Variants in SEC16B observed in about 807,000 individuals in gnomAD.
The protein encoded by SEC16B is protein transport protein Sec16B.
Under a neutral mutation model 141.8 loss-of-function variants are expected in SEC16B, and 115 were observed. That is an observed-to-expected ratio of 0.81 (90% CI 0.70 to 0.95). SEC16B has a LOEUF of 0.95. Among genes scored for constraint, SEC16B ranks in the 40% least tolerant of loss-of-function variants. The pLI is 0.00. For synonymous variants in SEC16B, 493 were observed against 492.5 expected (o/e 1.00, Z -0.01); for missense variants, 1,291 against 1,312.3 (o/e 0.98, Z 0.25).
At chr1:177,930,705 G>A (rs1364028038) in intron 24 of SEC16B, 62 bp from the exon 25 acceptor site, 4 of 1,227,880 alleles carry the variant, frequency 3.3e-6, no homozygotes, top group African/African-American at 1.5e-5. Flanking sequence ...AGAATGTCGA[G>A]GCCTTCAAGA....
At chr1:177,963,551 C>T (rs1261063178) in intron 5 of SEC16B, among the ~76,000 whole-genome samples, 2 of 152,054 alleles carry the variant, frequency 1.3e-5, no homozygotes, top group South Asian at 2.1e-4. Context: ...GGCAGTAAGC[C>T]GAGATTGCAC....
At chr1:177,975,887 G>A (rs1163502240) in intron 1 of SEC16B, among the ~76,000 whole-genome samples, 2 of 152,202 alleles carry the variant, frequency 1.3e-5, no homozygotes, top group African/African-American at 2.4e-5. Flanking sequence ...TGCTTCAGGT[G>A]AGCTGGGTGG....
At chr1:177,934,443 T>C (rs2182914) in intron 20 of SEC16B, among the ~76,000 whole-genome samples, 25,362 of 152,208 alleles carry the variant, frequency 0.17, 2,210 homozygotes, top group Middle Eastern at 0.23. Flanking sequence ...TAGAGCACAA[T>C]TGATACAAAC....
intron 12 of SEC16B, chr1:177,948,752 T>C: frequency 4.4e-6 from 5 of 1,148,310 alleles, no homozygotes; most frequent in Non-Finnish European, 5.6e-6. Flanking sequence ...TTACCTACCT[T>C]GAGCAAGTTT....
rs144013697 is a variant in SEC16B, at chr1:177,956,166, A to C, written c.1366-1790T>G. Among the ~76,000 whole-genome samples the C allele has an allele frequency of 2.0e-3, 308 of 152,318 alleles. 1 individual carries two copies. The highest frequency in any genetic ancestry group is 7.3e-3 in the African/African-American group (303 of 41,576). ...TCATTATGCATTATAATTATATGGT[A>C]ACTCAAATTTCTATATCCAAAATGA... On this transcript the variant is annotated intron_variant, in intron 10 of 25. Transcript: ENST00000308284.
chr1:177,929,731 G>A lies in SEC16B; in HGVS notation c.*127C>T, dbSNP rs1266024146. On this transcript the variant is annotated 3_prime_UTR_variant, in exon 26 of 26. Transcript: ENST00000308284. Reference sequence around the variant, plus strand: ...TGTCCTCTTGCCTTCTAAGTGCCCGGTGGAGGCATCGGGCTAGCACAAACC... The same window carrying A: ...TGTCCTCTTGCCTTCTAAGTGCCCGATGGAGGCATCGGGCTAGCACAAACC... 1 of 923,544 alleles carries A rather than the reference G, an allele frequency of 1.1e-6. No homozygotes were observed. The highest frequency in any genetic ancestry group is 1.7e-6 in the Non-Finnish European group (1 of 584,142). The allele number at this position is 923,544 out of a possible 1,614,324, so 57.2% of individuals were successfully genotyped here.
intron 18 of SEC16B, among the ~76,000 whole-genome samples, chr1:177,938,460 T>C (rs920318979): frequency 3.3e-5 from 5 of 152,244 alleles, no homozygotes; most frequent in African/African-American, 9.6e-5. Flanking sequence ...ACCTGTTAAA[T>C]ATGTATGTTT....
chr1:177,960,288 G>C, intron 8 of SEC16B, 54 bp downstream of exon 8: 5 of 1,159,604 alleles, frequency 4.3e-6, no homozygotes, highest in Non-Finnish European at 6.4e-6. Flanking sequence ...ATCTGGGCAG[G>C]AAGATTTTCT....
At chr1:177,939,636 C>T in intron 18 of SEC16B, 66 bp downstream of exon 18, 1 of 1,332,064 alleles carries the variant, frequency 7.5e-7, no homozygotes, top group Non-Finnish European at 1.1e-6. Context: ...TCATAAATTA[C>T]TTTGTCTCGT....
At chr1:177,930,482 C>G in intron 25 of SEC16B, 63 bp downstream of exon 25, 1 of 1,094,794 alleles carries the variant, frequency 9.1e-7, no homozygotes, top group East Asian at 2.4e-5. Flanking sequence ...GATGATAAAC[C>G]TAGGTCTCCT....
At chr1:177,961,954 T>C (rs1653099403) in intron 5 of SEC16B, among the ~76,000 whole-genome samples, 1 of 152,122 alleles carries the variant, frequency 6.6e-6, no homozygotes, top group Admixed American at 6.5e-5. Context: ...ATCTCAGCTT[T>C]GCCTTATACT....
chr1:177,970,979 A>C (rs1007544863), upstream of SEC16B, among the ~76,000 whole-genome samples: 1 of 152,094 alleles, frequency 6.6e-6, no homozygotes, highest in South Asian at 2.1e-4. Context: ...TCTCATGGTC[A>C]TATAGGGTCA....
chr1:177,933,595 G>A lies in SEC16B; in HGVS notation c.2613C>T (p.Ser871=), dbSNP rs373528898. ...TCTCATCCTCCTTGGCTGAACTGGC[G>A]GAACTCTCAGAAATACTTCGTGGTC... ...AARPRSISES[S]ASSAKEDEKE... is the part of the protein sequence containing the mutation. Residue 871 remains serine (S), a synonymous_variant, in exon 21 of 26, where the codon TCC becomes TCT. Coordinates refer to ENST00000308284, the MANE Select transcript of SEC16B (RefSeq NM_033127.4). 1.1e-4 allele frequency: 177 copies of A among 1,613,780 alleles called. No homozygotes were observed. Among genetic ancestry groups the A allele is most frequent in the Admixed American group, 2.2e-4 (13 of 59,998 alleles).
At position 177,933,239 on chromosome 1, in the gene SEC16B, T is replaced by A. The variant is rs201106348; in HGVS notation, c.2798A>T (p.Asp933Val). The A allele has an allele frequency of 2.9e-4, 455 of 1,589,556 alleles. No individual in the cohort carries two copies. The African/African-American group carries it at 5.2e-3, about 18-fold the overall frequency. ...CTCAGAGTCAGGGCTGTCTGAGGAG[T>A]CCTCGTCTCCAGCGGGGGATGCGTT... ...TKNASPAGDE[D>V]SSDSPDSEET... The change falls in exon 22 of 26, where the codon GAC becomes GTC. Residue 933 changes from aspartate (D) to valine (V), a missense_variant. This residue lies in a region of SEC16B where 605 missense variants were observed against 614.1 expected (regional missense o/e 0.99). Coordinates refer to ENST00000308284, the MANE Select transcript of SEC16B (RefSeq NM_033127.4).
chr1:177,963,162 A>G (rs764479882), intron 5 of SEC16B, among the ~76,000 whole-genome samples: 8 of 151,956 alleles, frequency 5.3e-5, no homozygotes, highest in Non-Finnish European at 1.0e-4. Flanking sequence ...AAGGTGCTGT[A>G]CATATGTATG....
Position 177,964,165 on chromosome 1 carries a change from G to T in SEC16B, c.642+6C>A, listed in dbSNP as rs778970180. On this transcript the variant is annotated splice_donor_region_variant and intron_variant, in intron 5 of 25. Transcript: ENST00000308284. Reference sequence around the variant, plus strand: ...AGTCTCCAGCCCCCACGTCACTTTAGGTTACCTTATTTTTCTGGGCCTCAG... The same window carrying T: ...AGTCTCCAGCCCCCACGTCACTTTATGTTACCTTATTTTTCTGGGCCTCAG... 8 of 1,607,338 alleles carry T rather than the reference G, an allele frequency of 5.0e-6. No homozygotes were observed. In the East Asian group the frequency reaches 1.8e-4, roughly 36 times the overall value.
intron 1 of SEC16B, among the ~76,000 whole-genome samples, chr1:177,981,735 G>A (rs1654424567): frequency 6.6e-6 from 1 of 152,136 alleles, no homozygotes; most frequent in South Asian, 2.1e-4. Flanking sequence ...CTATGTTCAG[G>A]ATGGGCCATG....
intron 12 of SEC16B, among the ~76,000 whole-genome samples, chr1:177,949,383 A>AACACACACACACACAC (rs61635250): frequency 2.1e-4 from 29 of 136,846 alleles, no homozygotes; most frequent in African/African-American, 8.0e-4. Context: ...TCCCTTGCTA[A>AACACACACACACACAC]ACACACACAC....
At chr1:177,967,098 C>T (rs1653586399) in intron 2 of SEC16B, among the ~76,000 whole-genome samples, 1 of 152,166 alleles carries the variant, frequency 6.6e-6, no homozygotes, top group South Asian at 2.1e-4. Flanking sequence ...TCACTGCAAC[C>T]TCTTCCTTCC....
Sources: gnomAD v4.1 joint callset for allele counts (sites outside exome capture counted in the v4.1 genomes callset) on GRCh38, gnomAD v4.1.1 for gene constraint, gnomAD v4.1.1 regional missense constraint, MANE v1.5 for transcripts, NCBI Gene and HGNC (gene_info 2026-07-23, HGNC 2026-07-21) for gene names.